Variants in DRC11 observed in about 807,000 individuals in gnomAD.
DRC11 encodes IQ and AAA domain-containing protein 1.
chr2:236,451,136 A>G, the DRC11 span, among the ~76,000 whole-genome samples: 3 of 152,142 alleles, frequency 2.0e-5, no homozygotes, highest in African/African-American at 7.2e-5. Context: ...ATTGTTAAAA[A>G]TACATTTTGC....
At chr2:236,502,247 G>A in the DRC11 span, among the ~76,000 whole-genome samples, 2,336 of 152,184 alleles carry the variant, frequency 0.015, 52 homozygotes, top group African/African-American at 0.053. Flanking sequence ...TGGCATGACT[G>A]CAAAATCCAA....
chr2:236,476,926 G>A, the DRC11 span, among the ~76,000 whole-genome samples: 19 of 151,972 alleles, frequency 1.3e-4, no homozygotes, highest in African/African-American at 4.1e-4. The surrounding 1 kb of genome is among the most constrained non-coding windows in gnomAD (Gnocchi z 4.7). Context: ...AACAGGCCCC[G>A]GTGTGTGTTG....
At chr2:236,433,635 T>C in the DRC11 span, among the ~76,000 whole-genome samples, 3 of 152,232 alleles carry the variant, frequency 2.0e-5, no homozygotes, top group Non-Finnish European at 4.4e-5. Flanking sequence ...AGTAGTTTTT[T>C]AGTTTATTCT....
chr2:236,502,536 A>G, the DRC11 span, among the ~76,000 whole-genome samples: 4 of 121,246 alleles, frequency 3.3e-5, no homozygotes, highest in Non-Finnish European at 6.5e-5. Context: ...AGATCTCACC[A>G]CTGCACTCCA....
the DRC11 span, among the ~76,000 whole-genome samples, chr2:236,477,988 C>G: frequency 6.7e-6 from 1 of 148,232 alleles, no homozygotes; most frequent in Non-Finnish European, 1.5e-5. Flanking sequence ...AAAAACTCAA[C>G]TTTTCGTTTT....
the DRC11 span, among the ~76,000 whole-genome samples, chr2:236,316,867 A>G: frequency 1.1e-4 from 16 of 152,210 alleles, no homozygotes; most frequent in African/African-American, 3.9e-4. The surrounding 1 kb of genome is among the most constrained non-coding windows in gnomAD (Gnocchi z 6.8). Context: ...CTGCGACCAC[A>G]TGTGATGATG....
At chr2:236,492,264 G>A in the DRC11 span, among the ~76,000 whole-genome samples, 8 of 152,162 alleles carry the variant, frequency 5.3e-5, no homozygotes, top group African/African-American at 9.7e-5. Flanking sequence ...GTTAGGCTCC[G>A]CAGAATGGGT....
At chr2:236,335,725 C>T in the DRC11 span, among the ~76,000 whole-genome samples, 1 of 152,156 alleles carries the variant, frequency 6.6e-6, no homozygotes, top group East Asian at 1.9e-4. The surrounding 1 kb of genome is among the most constrained non-coding windows in gnomAD (Gnocchi z 5.6). Context: ...TACCTTATTC[C>T]ATTAACACAG....
chr2:236,324,498 T>A, the DRC11 span: 1 of 509,700 alleles, frequency 2.0e-6, no homozygotes, highest in Non-Finnish European at 3.6e-6. This position sits in a 1 kb window ranked among gnomAD's most constrained non-coding sequence, Gnocchi z 5.7. Flanking sequence ...TAACAGCACA[T>A]GCAGTGGTTA....
the DRC11 span, among the ~76,000 whole-genome samples, chr2:236,490,809 G>T: frequency 6.6e-6 from 1 of 151,212 alleles, no homozygotes; most frequent in South Asian, 2.1e-4. This position sits in a 1 kb window ranked among gnomAD's most constrained non-coding sequence, Gnocchi z 5.5. Context: ...CTGCATGCGT[G>T]TGTGTGTATA....
chr2:236,393,081 C>T, the DRC11 span, among the ~76,000 whole-genome samples: 2 of 152,186 alleles, frequency 1.3e-5, no homozygotes, highest in East Asian at 1.9e-4. This position sits in a 1 kb window ranked among gnomAD's most constrained non-coding sequence, Gnocchi z 4.7. Flanking sequence ...GGATCCTCGA[C>T]GTGGGACTTG....
the DRC11 span, among the ~76,000 whole-genome samples, chr2:236,451,965 C>T: frequency 6.6e-6 from 1 of 152,180 alleles, no homozygotes; most frequent in Non-Finnish European, 1.5e-5. Flanking sequence ...CAGTTCCTTT[C>T]AGCTCTGGAA....
chr2:236,427,787 AGTTT>A, the DRC11 span, among the ~76,000 whole-genome samples: 2 of 151,796 alleles, frequency 1.3e-5, no homozygotes, highest in African/African-American at 2.4e-5. The surrounding 1 kb of genome is among the most constrained non-coding windows in gnomAD (Gnocchi z 5.9). Context: ...ACTTAATAAT[AGTTT>A]GTTTTTCTTT....
the DRC11 span, among the ~76,000 whole-genome samples, chr2:236,440,858 A>G: frequency 3.9e-5 from 6 of 152,226 alleles, no homozygotes; most frequent in African/African-American, 1.4e-4. Flanking sequence ...ACGGGAAAAA[A>G]AAATGAACTC....
the DRC11 span, among the ~76,000 whole-genome samples, chr2:236,461,522 A>AT: frequency 3.3e-5 from 5 of 152,240 alleles, no homozygotes; most frequent in Non-Finnish European, 7.3e-5. The surrounding 1 kb of genome is among the most constrained non-coding windows in gnomAD (Gnocchi z 4.0). Context: ...GGCTTGCACC[A>AT]TTCACTGCTT....
the DRC11 span, chr2:236,465,815 C>T: frequency 1.4e-6 from 1 of 716,618 alleles, no homozygotes; most frequent in Admixed American, 2.5e-5. This position sits in a 1 kb window ranked among gnomAD's most constrained non-coding sequence, Gnocchi z 6.2. Flanking sequence ...TAGTGTCTAG[C>T]AAAGGCAAAT....
the DRC11 span, among the ~76,000 whole-genome samples, chr2:236,352,939 C>T: frequency 2.6e-5 from 4 of 152,084 alleles, no homozygotes; most frequent in Non-Finnish European, 5.9e-5. This position sits in a 1 kb window ranked among gnomAD's most constrained non-coding sequence, Gnocchi z 7.0. Flanking sequence ...CTGTGCGTGT[C>T]GTTTTTATGC....
At chr2:236,499,839 T>C in the DRC11 span, among the ~76,000 whole-genome samples, 1 of 152,196 alleles carries the variant, frequency 6.6e-6, no homozygotes, top group South Asian at 2.1e-4. This position sits in a 1 kb window ranked among gnomAD's most constrained non-coding sequence, Gnocchi z 4.7. Flanking sequence ...GAAGAGGAGA[T>C]AAGTATCCAT....
the DRC11 span, among the ~76,000 whole-genome samples, chr2:236,469,629 T>C: frequency 6.6e-6 from 1 of 152,226 alleles, no homozygotes; most frequent in South Asian, 2.1e-4. The surrounding 1 kb of genome is among the most constrained non-coding windows in gnomAD (Gnocchi z 5.8). Flanking sequence ...TGATATAGAC[T>C]TTCTCTGACA....
Sources: gnomAD v4.1 joint callset for allele counts (sites outside exome capture counted in the v4.1 genomes callset) on GRCh38, gnomAD v4.1.1 for gene constraint, Gnocchi (gnomAD v3.1) non-coding constraint, MANE v1.5 for transcripts, NCBI Gene and HGNC (gene_info 2026-07-23, HGNC 2026-07-21) for gene names.